MAST4: variants seen among roughly 807,000 people sequenced by gnomAD.
MAST4 encodes microtubule associated serine/threonine kinase family member 4.
In MAST4, 89 loss-of-function variants were observed where a neutral mutation model predicts 162.7. The observed-to-expected ratio is 0.55, with a 90% CI of 0.46 to 0.65. MAST4 has a LOEUF of 0.65. Ranked by LOEUF, MAST4 falls within the 30% of genes least tolerant of loss-of-function variation. The pLI is 0.00. For synonymous variants in MAST4, 1,479 were observed against 1,361.1 expected (o/e 1.09, Z -1.91); for missense variants, 3,153 against 3,374.0 (o/e 0.93, Z 1.62).
chr5:66,996,611 G>GTC (rs919697148), intron 4 of MAST4, among the ~76,000 whole-genome samples: 1 of 152,156 alleles, frequency 6.6e-6, no homozygotes, highest in Admixed American at 6.5e-5. Context: ...AAGCGCTGAG[G>GTC]TGGAATCTGT....
At chr5:66,642,817 C>G (rs891851550) in intron 1 of MAST4, among the ~76,000 whole-genome samples, 6 of 152,180 alleles carry the variant, frequency 3.9e-5, no homozygotes, top group Non-Finnish European at 8.8e-5. Flanking sequence ...GTATTGCACT[C>G]TCTTACAACA....
intron 1 of MAST4, among the ~76,000 whole-genome samples, chr5:66,711,798 G>A (rs1561279397): frequency 6.6e-6 from 1 of 152,154 alleles, no homozygotes; most frequent in Non-Finnish European, 1.5e-5. Context: ...TCATGCCATT[G>A]CACTTTAGCC....
At chr5:66,860,988 G>T (rs1483884228) in intron 3 of MAST4, among the ~76,000 whole-genome samples, 2 of 152,122 alleles carry the variant, frequency 1.3e-5, no homozygotes, top group Non-Finnish European at 2.9e-5. Flanking sequence ...GTGCTCGGAA[G>T]GCCAGCTATG....
chr5:66,679,158 T>G (rs1748160065), intron 1 of MAST4, among the ~76,000 whole-genome samples: 1 of 152,194 alleles, frequency 6.6e-6, no homozygotes, highest in African/African-American at 2.4e-5. Flanking sequence ...AAGAAAAGAT[T>G]ACTCTGACAT....
At chr5:67,120,630 G>T (rs564644645) in intron 13 of MAST4, among the ~76,000 whole-genome samples, 20 of 152,266 alleles carry the variant, frequency 1.3e-4, no homozygotes, top group African/African-American at 4.8e-4. Context: ...CTCTGTCAGG[G>T]ATAGAGCCCC....
intron 3 of MAST4, among the ~76,000 whole-genome samples, chr5:66,851,068 T>C (rs1759277420): frequency 6.6e-6 from 1 of 152,164 alleles, no homozygotes; most frequent in African/African-American, 2.4e-5. Context: ...CATTTCCCCA[T>C]GGATGATAAT....
chr5:67,165,432 G>C lies in MAST4; in HGVS notation c.6253G>C (p.Ala2085Pro), dbSNP rs2151136732. 1 of 1,613,914 alleles carries C rather than the reference G, an allele frequency of 6.2e-7. No individual in the cohort carries two copies. The highest frequency in any genetic ancestry group is 8.5e-7 in the Non-Finnish European group (1 of 1,179,900). Residue 2085 changes from alanine (A) to proline (P), a missense_variant, in exon 29 of 29, where the codon GCG becomes CCG. By Grantham distance (27) the Ala-to-Pro change is conservative. Around this residue, in one of 7 missense-constraint regions of MAST4, gnomAD observed 1,644 missense variants for 1,495.0 expected, o/e 1.10. Coordinates refer to ENST00000403625, the MANE Select transcript of MAST4 (RefSeq NM_001164664.2). ...GCGTGGCGTGGAACCCAAGCCCGAA[G>C]CGCTTCTTGCCAGGCGGTCTCTGCA... The part of the protein sequence containing the change: ...VRRGVEPKPE[A>P]LLARRSLQPP...
Position 66,825,203 on chromosome 5 carries a change from C to CT in MAST4, c.642+36415dup, listed in dbSNP as rs1757182369. ...GTAGCAAAATATTGTTTTCTTTAAG[C>CT]TTTTTTCTATTTAGAAATGTATTTT... On this transcript the variant is annotated intron_variant, in intron 3 of 28. Transcript: ENST00000403625. Among the ~76,000 whole-genome samples the CT allele has an allele frequency of 2.0e-5, 3 of 150,466 alleles. No individual in the cohort carries two copies. The South Asian group carries it at 6.3e-4, about 32-fold the overall frequency.
chr5:67,160,967 C>G (rs963098936), intron 27 of MAST4, among the ~76,000 whole-genome samples: 1 of 152,178 alleles, frequency 6.6e-6, no homozygotes, highest in African/African-American at 2.4e-5. Flanking sequence ...AAAAAACAAA[C>G]AGTTGCTATT....
intron 3 of MAST4, among the ~76,000 whole-genome samples, chr5:66,842,137 A>G (rs796337483): frequency 6.6e-6 from 1 of 152,166 alleles, no homozygotes; most frequent in Admixed American, 6.6e-5. Context: ...ACTCTTTGGA[A>G]TAAGGGGATT....
chr5:67,108,349 G>GT (rs1001736686), intron 10 of MAST4, among the ~76,000 whole-genome samples: 30 of 152,090 alleles, frequency 2.0e-4, no homozygotes, highest in African/African-American at 6.5e-4. Context: ...GAAGTTAGGT[G>GT]TTTTTTTGCT....
intron 4 of MAST4, among the ~76,000 whole-genome samples, chr5:66,935,964 G>A (rs970521794): frequency 6.6e-6 from 1 of 152,022 alleles, no homozygotes; most frequent in Admixed American, 6.6e-5. Context: ...CATCGCACTC[G>A]GCGCCCAGTC....
chr5:66,621,841 G>C (rs1202925584), intron 1 of MAST4, among the ~76,000 whole-genome samples: 2 of 152,210 alleles, frequency 1.3e-5, no homozygotes, highest in Non-Finnish European at 2.9e-5. Context: ...GGTTAGAGCA[G>C]GAGTTGACAG....
At chr5:66,909,086 C>G (rs1289515095) in intron 4 of MAST4, among the ~76,000 whole-genome samples, 1 of 152,140 alleles carries the variant, frequency 6.6e-6, no homozygotes, top group African/African-American at 2.4e-5. Context: ...CAAAAGACCA[C>G]AAAGTAGGCT....
At chr5:67,162,362 C>T (rs901480841) in intron 27 of MAST4, among the ~76,000 whole-genome samples, 10 of 152,152 alleles carry the variant, frequency 6.6e-5, no homozygotes, top group African/African-American at 2.4e-4. Flanking sequence ...TATATTTTTC[C>T]TATTTTTCCA....
intron 1 of MAST4, among the ~76,000 whole-genome samples, chr5:66,684,971 A>C (rs1018315220): frequency 4.6e-5 from 7 of 152,196 alleles, no homozygotes; most frequent in Non-Finnish European, 8.8e-5. Flanking sequence ...ATTTATAAAA[A>C]GAATAGCTGG....
At chr5:66,973,987 C>A (rs968414341) in intron 4 of MAST4, among the ~76,000 whole-genome samples, 1 of 152,154 alleles carries the variant, frequency 6.6e-6, no homozygotes, top group Non-Finnish European at 1.5e-5. Context: ...AGCACCTCCT[C>A]ACTTTCTGGC....
chr5:67,013,671 T>TGGATCCATAGC (rs1752949987), intron 4 of MAST4, among the ~76,000 whole-genome samples: 1 of 151,868 alleles, frequency 6.6e-6, no homozygotes, highest in Non-Finnish European at 1.5e-5. Flanking sequence ...TAAAAATCAC[T>TGGATCCATAGC]TATGCCCCTT....
chr5:66,840,555 C>CG (rs869035719), intron 3 of MAST4, among the ~76,000 whole-genome samples: 1 of 4,986 alleles, frequency 2.0e-4, no homozygotes, highest in Non-Finnish European at 6.5e-4. Context: ...TACATTCATT[C>CG]CTTGCTTGGC....
Sources: gnomAD v4.1 joint callset for allele counts (sites outside exome capture counted in the v4.1 genomes callset) on GRCh38, gnomAD v4.1.1 for gene constraint, gnomAD v4.1.1 regional missense constraint, MANE v1.5 for transcripts, NCBI Gene and HGNC (gene_info 2026-07-23, HGNC 2026-07-21) for gene names.